Variants in SUGCT observed in about 807,000 individuals in gnomAD.
SUGCT encodes the protein succinyl-CoA:glutarate CoA-transferase.
SUGCT carries 41 observed loss-of-function variants against 55.0 expected under a neutral mutation model. That is an observed-to-expected ratio of 0.74 (90% CI 0.58 to 0.97). The LOEUF (loss-of-function observed/expected upper bound fraction) is 0.97, where lower values mean the gene tolerates loss of function less well. Among genes scored for constraint, SUGCT ranks in the 50% least tolerant of loss-of-function variants. SUGCT has a pLI of 0.00. For synonymous variants in SUGCT, 187 were observed against 200.4 expected (o/e 0.93, Z 0.56); for missense variants, 568 against 547.8 (o/e 1.04, Z -0.37).
At chr7:40,385,443 G>T (rs1401066599) in intron 9 of SUGCT, among the ~76,000 whole-genome samples, 1 of 152,100 alleles carries the variant, frequency 6.6e-6, no homozygotes, top group African/African-American at 2.4e-5. Flanking sequence ...ATAGTGCCTG[G>T]TATATAGTAA....
At chr7:40,911,493 G>A in the SUGCT span, among the ~76,000 whole-genome samples, 1 of 151,694 alleles carries the variant, frequency 6.6e-6, no homozygotes, top group African/African-American at 2.4e-5. Context: ...AACTGAGCCC[G>A]GGAGGTCAAG....
chr7:40,349,400 G>T (rs573822885), intron 9 of SUGCT, among the ~76,000 whole-genome samples: 12 of 152,008 alleles, frequency 7.9e-5, no homozygotes, highest in Non-Finnish European at 1.6e-4. Flanking sequence ...CCAGGCTGGA[G>T]TGCAGTGGCT....
chr7:40,363,453 A>G (rs1390138599), intron 9 of SUGCT, among the ~76,000 whole-genome samples: 1 of 151,934 alleles, frequency 6.6e-6, no homozygotes, highest in Non-Finnish European at 1.5e-5. Context: ...GGCATTTAGT[A>G]CTATAAATTT....
intron 12 of SUGCT, among the ~76,000 whole-genome samples, chr7:40,736,195 A>ATATAATATATCAATATATAATATAT (rs953954089): frequency 1.0e-3 from 147 of 147,418 alleles, no homozygotes; most frequent in African/African-American, 1.7e-3. Context: ...ATTTATCAAT[A>ATATAATATATCAATATATAATATAT]TATAATATAT....
intron 13 of SUGCT, among the ~76,000 whole-genome samples, chr7:40,836,063 T>C (rs1228025844): frequency 7.2e-6 from 1 of 138,416 alleles, no homozygotes; most frequent in East Asian, 5.2e-4. Flanking sequence ...TACTAATTTT[T>C]TAATTTTTTT....
At chr7:40,831,816 T>C (rs1383247337) in intron 13 of SUGCT, among the ~76,000 whole-genome samples, 1 of 152,218 alleles carries the variant, frequency 6.6e-6, no homozygotes, top group African/African-American at 2.4e-5. Context: ...CAGGGCTGGC[T>C]ATAGGCCTGT....
At chr7:40,884,461 G>A in the SUGCT span, among the ~76,000 whole-genome samples, 2 of 152,220 alleles carry the variant, frequency 1.3e-5, no homozygotes, top group African/African-American at 4.8e-5. Context: ...TCAGTGGGGT[G>A]CTGTGGGCTC....
intron 9 of SUGCT, among the ~76,000 whole-genome samples, chr7:40,388,881 AAG>A (rs1446463040): frequency 6.6e-6 from 1 of 152,102 alleles, no homozygotes; most frequent in Non-Finnish European, 1.5e-5. Context: ...TTTTCTCAGA[AAG>A]AGTCATCCAT....
chr7:40,349,946 C>T (rs987909894), intron 9 of SUGCT, among the ~76,000 whole-genome samples: 73 of 152,158 alleles, frequency 4.8e-4, no homozygotes, highest in African/African-American at 1.7e-3. Context: ...CCTCGGCTTC[C>T]CAAAGTGCTG....
intron 9 of SUGCT, among the ~76,000 whole-genome samples, chr7:40,392,620 C>T (rs12673516): frequency 0.14 from 20,787 of 151,918 alleles, 1,825 homozygotes; most frequent in East Asian, 0.48. Context: ...TCTTGTATGA[C>T]AGAGAGATAC....
intron 9 of SUGCT, among the ~76,000 whole-genome samples, chr7:40,320,640 C>T (rs551222141): frequency 1.3e-5 from 2 of 152,188 alleles, no homozygotes; most frequent in African/African-American, 2.4e-5. Context: ...TTTCTTCAAC[C>T]TTCTAGGAAC....
intron 9 of SUGCT, among the ~76,000 whole-genome samples, chr7:40,413,209 C>A (rs796862718): frequency 8.5e-5 from 13 of 152,256 alleles, no homozygotes; most frequent in African/African-American, 3.1e-4. Flanking sequence ...GACATCTAGG[C>A]TGGAAGATTT....
At chr7:40,719,968 G>T (rs1320889278) in intron 12 of SUGCT, among the ~76,000 whole-genome samples, 2 of 152,034 alleles carry the variant, frequency 1.3e-5, no homozygotes, top group African/African-American at 2.4e-5. Context: ...GCTAATTTTT[G>T]TATTTTTAGT....
chr7:40,808,801 C>T (rs1791244418), intron 13 of SUGCT, among the ~76,000 whole-genome samples: 1 of 152,118 alleles, frequency 6.6e-6, no homozygotes, highest in African/African-American at 2.4e-5. Context: ...TCAGGCCATT[C>T]CAGAGTTAGG....
intron 13 of SUGCT, among the ~76,000 whole-genome samples, chr7:40,857,810 G>A (rs903966691): frequency 2.0e-5 from 3 of 152,152 alleles, no homozygotes; most frequent in Non-Finnish European, 4.4e-5. Context: ...GGGACAAAAA[G>A]TAGATTAATG....
chr7:40,972,575 C>A, the SUGCT span, among the ~76,000 whole-genome samples: 2 of 152,186 alleles, frequency 1.3e-5, no homozygotes, highest in East Asian at 3.9e-4. Context: ...AGGGAATCTA[C>A]TTCTGCTTTG....
intron 13 of SUGCT, among the ~76,000 whole-genome samples, chr7:40,852,424 A>C (rs1476251304): frequency 6.6e-6 from 1 of 152,114 alleles, no homozygotes; most frequent in East Asian, 1.9e-4. Flanking sequence ...CTAGCACAAA[A>C]GTATTCCTTA....
At chr7:40,803,023 G>A (rs887626378) in intron 13 of SUGCT, among the ~76,000 whole-genome samples, 5 of 152,056 alleles carry the variant, frequency 3.3e-5, no homozygotes, top group Admixed American at 6.5e-5. Flanking sequence ...ATTAGCAATC[G>A]GTTGCATGTT....
chr7:40,195,511 A>G (rs967621491), intron 6 of SUGCT, among the ~76,000 whole-genome samples: 13 of 151,776 alleles, frequency 8.6e-5, no homozygotes, highest in Non-Finnish European at 5.9e-5. Flanking sequence ...GTGAGCCACC[A>G]CGTCCGGCCT....
Sources: allele counts gnomAD v4.1 joint callset (sites outside exome capture counted in the v4.1 genomes callset), GRCh38; gene constraint gnomAD v4.1.1; transcripts MANE v1.5; gene names NCBI Gene and HGNC (gene_info 2026-07-23, HGNC 2026-07-21).